SCFD2: variants seen among roughly 807,000 people sequenced by gnomAD.
SCFD2 encodes sec1 family domain-containing protein 2.
Under a neutral mutation model 58.9 loss-of-function variants are expected in SCFD2, and 54 were observed. That is an observed-to-expected ratio of 0.92 (90% CI 0.74 to 1.15). The LOEUF (loss-of-function observed/expected upper bound fraction) is 1.15. Ranked by LOEUF, SCFD2 falls within the 50% of genes most tolerant of loss-of-function variation. The pLI is 0.00. For synonymous variants in SCFD2, 321 were observed against 335.9 expected (o/e 0.96, Z 0.49); for missense variants, 805 against 836.6 (o/e 0.96, Z 0.47).
intron 5 of SCFD2, among the ~76,000 whole-genome samples, chr4:52,925,976 C>T (rs1466922120): frequency 6.6e-6 from 1 of 152,088 alleles, no homozygotes. Context: ...TTCCTCTATT[C>T]CCCCCTCACT....
intron 5 of SCFD2, among the ~76,000 whole-genome samples, chr4:53,104,693 A>G (rs1724934966): frequency 6.6e-6 from 1 of 152,238 alleles, no homozygotes; most frequent in South Asian, 2.1e-4. Context: ...ATCTAAAACC[A>G]TTCTAAAAAA....
At chr4:53,338,197 T>G (rs1733741036) in intron 2 of SCFD2, among the ~76,000 whole-genome samples, 1 of 152,194 alleles carries the variant, frequency 6.6e-6, no homozygotes, top group Admixed American at 6.5e-5. Flanking sequence ...ATTTGTATTG[T>G]TTTAAGCCAC....
chr4:52,918,033 G>A (rs527908370), intron 6 of SCFD2, among the ~76,000 whole-genome samples: 5 of 152,096 alleles, frequency 3.3e-5, no homozygotes, highest in East Asian at 1.9e-4. Flanking sequence ...AGGTCAGACC[G>A]GGAACAGGAA....
chr4:53,135,175 C>G (rs1283627278), intron 5 of SCFD2, among the ~76,000 whole-genome samples: 1 of 152,028 alleles, frequency 6.6e-6, no homozygotes, highest in Non-Finnish European at 1.5e-5. Flanking sequence ...ATCTGGAGAT[C>G]TTTTAGATTT....
intron 4 of SCFD2, among the ~76,000 whole-genome samples, chr4:53,218,563 T>C (rs1294441947): frequency 6.6e-6 from 1 of 152,214 alleles, no homozygotes; most frequent in Non-Finnish European, 1.5e-5. Flanking sequence ...TTCAAGGTTT[T>C]TAGCTTCTTT....
chr4:53,090,520 C>T (rs6828460), intron 5 of SCFD2, among the ~76,000 whole-genome samples: 1 of 152,008 alleles, frequency 6.6e-6, no homozygotes, highest in Non-Finnish European at 1.5e-5. Flanking sequence ...AGAGAGAGTA[C>T]AAGAAAGGAT....
intron 3 of SCFD2, among the ~76,000 whole-genome samples, chr4:53,281,345 C>T (rs1262763542): frequency 1.3e-5 from 2 of 152,190 alleles, no homozygotes; most frequent in African/African-American, 2.4e-5. Flanking sequence ...TGAGCCCTGA[C>T]TCCTAGTATG....
chr4:52,883,005 T>C (rs1166388335), intron 8 of SCFD2, among the ~76,000 whole-genome samples: 9 of 152,198 alleles, frequency 5.9e-5, no homozygotes, highest in Non-Finnish European at 1.3e-4. Context: ...AAGTGAGGGT[T>C]ACTCCCTTGC....
At chr4:53,224,388 C>CAA (rs144809985) in intron 4 of SCFD2, among the ~76,000 whole-genome samples, 2 of 15,628 alleles carry the variant, frequency 1.3e-4, no homozygotes. Flanking sequence ...GACTCCGTCT[C>CAA]AAAAAAAAAA....
At position 53,273,808 on chromosome 4, in the gene SCFD2, GT is replaced by G. The variant is rs150594118; in HGVS notation, c.1311+17del. ...ACATTAATTATTAAGATCCCACGAGGTTCCCATAGCAACATACCTGAAGAAG... is the reference window on the plus strand; with the variant it reads ...ACATTAATTATTAAGATCCCACGAGGTCCCATAGCAACATACCTGAAGAAG... On this transcript the variant is annotated intron_variant, in intron 4 of 8. Coordinates refer to ENST00000401642, the MANE Select transcript of SCFD2 (RefSeq NM_152540.4). 147,087 of 1,593,366 alleles carry G rather than the reference GT, an allele frequency of 0.092. 8,559 individuals carry two copies. Among genetic ancestry groups the G allele is most frequent in the Admixed American group, 0.22 (12,414 of 56,422 alleles).
In SCFD2 at chr4:53,274,099, G is replaced by T. The variant is rs145595367; in HGVS notation, c.1136-98C>A. 148 of 1,032,126 alleles carry T rather than the reference G, an allele frequency of 1.4e-4. No individual in the cohort carries two copies. The East Asian group carries it at 3.7e-3, about 26-fold the overall frequency. 63.9% of individuals were successfully genotyped at this position (1,032,126 alleles called of 1,614,324 possible). A position where few individuals can be genotyped will look rare whatever the true frequency, so the allele number is the denominator to read the frequency against. On this transcript the variant is annotated intron_variant, in intron 3 of 8. Coordinates refer to ENST00000401642, the MANE Select transcript of SCFD2 (RefSeq NM_152540.4). ...AATACCACTGTCTTGTATTTGGGCAGAACTTCAGAGCTGACTGCAAGCTTT... is the reference window on the plus strand; with the variant it reads ...AATACCACTGTCTTGTATTTGGGCATAACTTCAGAGCTGACTGCAAGCTTT...
At chr4:52,987,881 A>G (rs932577198) in intron 5 of SCFD2, among the ~76,000 whole-genome samples, 6 of 152,232 alleles carry the variant, frequency 3.9e-5, no homozygotes, top group Admixed American at 2.6e-4. Context: ...CTAGGGTGTC[A>G]TTTCCCCCAT....
chr4:53,126,776 C>T (rs1483274197), intron 5 of SCFD2, among the ~76,000 whole-genome samples: 1 of 152,076 alleles, frequency 6.6e-6, no homozygotes. Flanking sequence ...GCAGGATTCC[C>T]GAGAACCACC....
At chr4:53,038,993 A>G (rs1490074413) in intron 5 of SCFD2, among the ~76,000 whole-genome samples, 1 of 152,150 alleles carries the variant, frequency 6.6e-6, no homozygotes, top group African/African-American at 2.4e-5. Context: ...CCTAGCCTAA[A>G]GTATTTTAAT....
chr4:53,260,982 TCTC>T (rs1730811797), intron 4 of SCFD2, among the ~76,000 whole-genome samples: 1 of 152,150 alleles, frequency 6.6e-6, no homozygotes, highest in Admixed American at 6.5e-5. Flanking sequence ...AATTTATCCA[TCTC>T]CTCTATGTTT....
intron 5 of SCFD2, among the ~76,000 whole-genome samples, chr4:52,955,557 T>C (rs914620914): frequency 1.3e-5 from 2 of 152,196 alleles, no homozygotes; most frequent in African/African-American, 2.4e-5. Flanking sequence ...AGGGGTTAAG[T>C]GATTTGTTTC....
intron 5 of SCFD2, chr4:52,956,355 T>C: frequency 2.6e-6 from 1 of 387,140 alleles, no homozygotes; most frequent in South Asian, 1.9e-5. Context: ...AGATAGGGCT[T>C]TTTATGGCAA....
intron 5 of SCFD2, chr4:52,945,708 G>A (rs1359232682): frequency 1.3e-5 from 2 of 152,122 alleles, no homozygotes; most frequent in Non-Finnish European, 1.5e-5. Flanking sequence ...CCTTCTCAGC[G>A]GCTTCAGTTA....
intron 5 of SCFD2, among the ~76,000 whole-genome samples, chr4:53,004,942 T>G (rs556045887): frequency 1.3e-5 from 2 of 152,312 alleles, no homozygotes; most frequent in East Asian, 3.9e-4. Flanking sequence ...TCGCTCAGGC[T>G]GAAGTGACAC....
Sources: allele counts gnomAD v4.1 joint callset (sites outside exome capture counted in the v4.1 genomes callset), GRCh38; gene constraint gnomAD v4.1.1; transcripts MANE v1.5; gene names NCBI Gene and HGNC (gene_info 2026-07-23, HGNC 2026-07-21).